The following CCDC158 variants were observed in gnomAD, a reference collection of about 807,000 sequenced individuals.
CCDC158 encodes coiled-coil domain containing 158, also known as coiled-coil domain-containing protein 158.
In CCDC158, 116 loss-of-function variants were observed where a neutral mutation model predicts 138.6. The ratio of observed to expected loss-of-function variants is 0.84; its 90% confidence interval spans 0.72 to 0.98. CCDC158 has a LOEUF of 0.98. Ranked by LOEUF, CCDC158 falls within the 50% of genes least tolerant of loss-of-function variation. The probability of loss-of-function intolerance (pLI) is 0.00; values close to 1 mark genes in which losing one functional copy is unlikely to be tolerated. For missense variants in CCDC158, 1,265 were observed against 1,306.1 expected, an observed-to-expected ratio of 0.97 and a Z score of 0.48; for synonymous variants, 436 against 442.4, an observed-to-expected ratio of 0.99 and a Z score of 0.18.
chr4:76,371,417 C>A lies in CCDC158; in HGVS notation c.1149G>T (p.Leu383Phe). 1 of 1,613,178 alleles carries A rather than the reference C, an allele frequency of 6.2e-7. No homozygotes were observed. The highest frequency in any genetic ancestry group is 8.5e-7 in the Non-Finnish European group (1 of 1,179,550). ...TTCATATTTTAAAGCATAATCTTACCAACAGCTTTTGAAGTTGATCATCTA... is the reference window on the plus strand; with the variant it reads ...TTCATATTTTAAAGCATAATCTTACAAACAGCTTTTGAAGTTGATCATCTA... ...GNLDDQLQKL[L>F]ADLHKREKEL... Residue 383 changes from leucine (L) to phenylalanine (F), a missense_variant and splice_region_variant, in exon 10 of 25, where the codon TTG (leucine) becomes TTT (phenylalanine). Coordinates refer to ENST00000682701, the MANE Select transcript of CCDC158 (RefSeq NM_001394954.1).
chr4:76,403,898 G>A (rs1263439519), intron 2 of CCDC158, among the ~76,000 whole-genome samples: 1 of 152,126 alleles, frequency 6.6e-6, no homozygotes, highest in African/African-American at 2.4e-5. Flanking sequence ...TAGGGGTACA[G>A]AAAATGGGAG....
intron 9 of CCDC158, chr4:76,375,185 T>G (rs1045558502): frequency 2.5e-5 from 5 of 198,266 alleles, no homozygotes; most frequent in Admixed American, 2.4e-4. Flanking sequence ...TATTAAAGAT[T>G]TTTTCTTTTT....
At chr4:76,394,086 C>G (rs1727560837) in intron 4 of CCDC158, among the ~76,000 whole-genome samples, 1 of 152,024 alleles carries the variant, frequency 6.6e-6, no homozygotes, top group Non-Finnish European at 1.5e-5. Context: ...TCTCAAAAAA[C>G]TAAAAATAGA....
rs966385803 is a variant in CCDC158 at position 76,365,377 on chromosome 4, T to C, written c.1830+1917A>G. The stretch of plus-strand genomic sequence containing the variant: ...TCTTTGTGTCTGTGTGAAACTCTAA[T>C]TACCTAGGAAATTATTCCCTGAAGC... On this transcript the variant is annotated intron_variant, in intron 12 of 24. Coordinates refer to ENST00000682701, the MANE Select transcript of CCDC158 (RefSeq NM_001394954.1). Among the ~76,000 whole-genome samples the C allele has an allele frequency of 7.2e-5, 11 of 152,304 alleles. No individual in the cohort carries two copies. The East Asian group carries it at 2.1e-3, about 29-fold the overall frequency.
intron 9 of CCDC158, among the ~76,000 whole-genome samples, chr4:76,372,361 C>T (rs1388415654): frequency 6.6e-6 from 1 of 152,088 alleles, no homozygotes; most frequent in African/African-American, 2.4e-5. Context: ...GGGAAGACTG[C>T]TTGAGACTGG....
chr4:76,414,724 T>C (rs1164325385), intron 1 of CCDC158, among the ~76,000 whole-genome samples: 1 of 152,214 alleles, frequency 6.6e-6, no homozygotes, highest in Non-Finnish European at 1.5e-5. Context: ...GTTTTCCGCT[T>C]TTGCTTCTTC....
intron 9 of CCDC158, chr4:76,375,675 A>G (rs1157867459): frequency 2.9e-6 from 2 of 699,490 alleles, no homozygotes; most frequent in South Asian, 3.0e-5. Flanking sequence ...TACTGGTCCA[A>G]ATTCGTAAAG....
intron 2 of CCDC158, among the ~76,000 whole-genome samples, chr4:76,410,770 G>A (rs1030380935): frequency 6.6e-6 from 1 of 152,174 alleles, no homozygotes; most frequent in Non-Finnish European, 1.5e-5. Flanking sequence ...GAACAGTATT[G>A]TACTACCTGA....
rs573779102 is a variant in CCDC158 at position 76,328,822 on chromosome 4, C to A, written c.3010+78G>T. 4 of 1,104,894 alleles carry A rather than the reference C, an allele frequency of 3.6e-6. No individual in the cohort carries two copies. The South Asian group carries it at 5.0e-5, about 14-fold the overall frequency. The allele number at this position is 1,104,894 out of a possible 1,614,324, so 68.4% of individuals were successfully genotyped here. ...GTTAAAAAGGACTTGGAAGATACTG[C>A]AATGACTTTGGCTTTTACCCTCGTG... On this transcript the variant is annotated intron_variant, in intron 22 of 24. Coordinates refer to ENST00000682701, the MANE Select transcript of CCDC158 (RefSeq NM_001394954.1).
At chr4:76,380,979 G>C (rs1045640826) in intron 8 of CCDC158, among the ~76,000 whole-genome samples, 1 of 152,222 alleles carries the variant, frequency 6.6e-6, no homozygotes, top group Non-Finnish European at 1.5e-5. Flanking sequence ...ATGTGGTGTT[G>C]AGCCTGGAGG....
At chr4:76,419,464 G>A (rs559783762) in intron 1 of CCDC158, among the ~76,000 whole-genome samples, 70 of 152,242 alleles carry the variant, frequency 4.6e-4, no homozygotes, top group African/African-American at 1.6e-3. Context: ...AATTCTGGAG[G>A]CCAGGAATCC....
intron 2 of CCDC158, among the ~76,000 whole-genome samples, chr4:76,405,437 A>G (rs2109877601): frequency 6.6e-6 from 1 of 152,226 alleles, no homozygotes; most frequent in East Asian, 1.9e-4. Flanking sequence ...AGTGTCTACA[A>G]CTGGTGAAGA....
At chr4:76,391,969 A>T (rs1727354841) in intron 4 of CCDC158, among the ~76,000 whole-genome samples, 1 of 151,984 alleles carries the variant, frequency 6.6e-6, no homozygotes, top group Non-Finnish European at 1.5e-5. Context: ...TGAACCCTGA[A>T]GAAATCTAAA....
chr4:76,315,471 G>A (rs1442574820), intron 24 of CCDC158, among the ~76,000 whole-genome samples: 2 of 152,142 alleles, frequency 1.3e-5, no homozygotes, highest in Non-Finnish European at 2.9e-5. Context: ...GTGCCGTCTT[G>A]AAAGTGCCAC....
Position 76,313,223 on chromosome 4 carries a change from G to T in CCDC158, c.3301C>A (p.Gln1101Lys), listed in dbSNP as rs200464150. The T allele has an allele frequency of 5.4e-4, 864 of 1,606,090 alleles. 1 individual carries two copies. Among genetic ancestry groups the T allele is most frequent in the Non-Finnish European group, 6.8e-4 (796 of 1,175,440 alleles). Residue 1101 changes from glutamine to lysine, a missense_variant, in exon 25 of 25, where the codon CAA becomes AAA. Gln to Lys is a moderately conservative substitution (Grantham distance 53, BLOSUM62 1). Transcript: ENST00000682701. The part of the protein sequence containing the change: ...NQAMSSMIRN[Q>K]EKRIQKVKDQ... The stretch of plus-strand genomic sequence containing the variant: ...TTTACTTTCTGTATCCTCTTTTCTT[G>T]ATTTCTGATCATTGAAGACATTGCT...
chr4:76,331,487 T>A, intron 20 of CCDC158, 84 bp from the exon 21 acceptor site: 2 of 1,061,444 alleles, frequency 1.9e-6, no homozygotes, highest in East Asian at 4.7e-5. Context: ...AGAAAAATAA[T>A]GTATTCTTAT....
chr4:76,329,091 C>A, intron 21 of CCDC158, 124 bp from the exon 22 acceptor site: 1 of 739,110 alleles, frequency 1.4e-6, no homozygotes. Flanking sequence ...AGATGGCAAT[C>A]ATAACCCTAA....
intron 18 of CCDC158, among the ~76,000 whole-genome samples, chr4:76,339,562 G>A (rs1327210843): frequency 1.3e-5 from 2 of 152,238 alleles, no homozygotes; most frequent in Non-Finnish European, 2.9e-5. Context: ...ATGTGCAGGA[G>A]CACATGTTAT....
intron 11 of CCDC158, 69 bp from the exon 12 acceptor site, chr4:76,367,845 A>G (rs1724845672): frequency 7.0e-7 from 1 of 1,438,010 alleles, no homozygotes; most frequent in Admixed American, 2.2e-5. Flanking sequence ...AAGAGATACA[A>G]GTTAACTTAA....
Sources: gnomAD v4.1 joint callset for allele counts (sites outside exome capture counted in the v4.1 genomes callset) on GRCh38, gnomAD v4.1.1 for gene constraint, MANE v1.5 for transcripts, NCBI Gene and HGNC (gene_info 2026-07-23, HGNC 2026-07-21) for gene names.